Variants in OGFR observed in about 807,000 individuals in gnomAD.
OGFR encodes the protein protein 7-60.
In OGFR, 18 loss-of-function variants were observed where a neutral mutation model predicts 33.6. The ratio of observed to expected loss-of-function variants is 0.54; its 90% CI spans 0.37 to 0.80. The LOEUF is 0.80. Among genes scored for constraint, OGFR ranks in the 30% least tolerant of loss-of-function variants. OGFR has a pLI of 0.00. For missense variants in OGFR, 877 were observed against 955.8 expected (o/e 0.92, Z 1.09); for synonymous variants, 370 against 400.7 (o/e 0.92, Z 0.91).
Position 62,811,624 on chromosome 20 carries a change from G to GCGGGGGGCCCCCCC in OGFR, c.614+15_614+16insGGGGGGCCCCCCCC. ...GAACCTGAACTGGTGAGGCCCGGCT[G>GCGGGGGGCCCCCCC]CTCCCGCCCACCCCCACCCCGGCGC... On this transcript the variant is annotated intron_variant, in intron 6 of 6. Transcript: ENST00000290291. The GCGGGGGGCCCCCCC allele has an allele frequency of 1.3e-6, 2 of 1,551,488 alleles. No homozygotes were observed. The highest frequency in any genetic ancestry group is 1.7e-6 in the Non-Finnish European group (2 of 1,147,396).
rs772801234 is a variant in OGFR, at chr20:62,812,723, G to A, written c.1108G>A (p.Gly370Arg). The A allele has an allele frequency of 8.1e-5, 130 of 1,596,454 alleles. No homozygotes were observed. Among genetic ancestry groups the A allele is most frequent in the Middle Eastern group, 3.3e-4 (2 of 6,064 alleles). The change falls in exon 7 of 7, where the codon GGG (glycine) becomes AGG (arginine). Residue 370 changes from glycine to arginine, a missense_variant. Transcript: ENST00000290291. ...CCAGGGGGATGAGGCAGGGGGCCACGGGGAAGATAGGCCGGAGCCCTTAAG... is the reference window on the plus strand; with the variant it reads ...CCAGGGGGATGAGGCAGGGGGCCACAGGGAAGATAGGCCGGAGCCCTTAAG... The part of the protein sequence containing the change: ...RSQGDEAGGH[G>R]EDRPEPLSPK...
rs1414783089 is a variant in OGFR at position 62,812,319 on chromosome 20, T to G, written c.704T>G (p.Phe235Cys). Residue 235 changes from phenylalanine to cysteine, a missense_variant, in exon 7 of 7, where the codon TTC (phenylalanine) becomes TGC (cysteine). Transcript: ENST00000290291. ...LEHFQAPLVR[F>C]FLEETLVRRE... is the part of the protein sequence containing the mutation. Reference sequence around the variant, plus strand: ...CACTTCCAGGCGCCGCTGGTCCGCTTCTTCCTGGAGGAGACGCTGGTGCGG... The same window carrying G: ...CACTTCCAGGCGCCGCTGGTCCGCTGCTTCCTGGAGGAGACGCTGGTGCGG... The G allele has an allele frequency of 6.4e-7, 1 of 1,561,438 alleles. No homozygotes were observed. Among genetic ancestry groups the G allele is most frequent in the Non-Finnish European group, 8.7e-7 (1 of 1,153,328 alleles).
At chr20:62,806,275 G>C (rs1178134305) in intron 1 of OGFR, 1 of 152,268 alleles carries the variant, frequency 6.6e-6, no homozygotes, top group Non-Finnish European at 1.5e-5. Flanking sequence ...GGTGGCGGTG[G>C]CTCAGGCCTG....
At chr20:62,810,921 G>A (rs1178051973) in intron 5 of OGFR, among the ~76,000 whole-genome samples, 1 of 152,256 alleles carries the variant, frequency 6.6e-6, no homozygotes. Context: ...CAGGGACTTA[G>A]AGAGCCGAGG....
At chr20:62,808,429 C>T (rs1990646464) in intron 3 of OGFR, 104 bp downstream of exon 3, 4 of 835,922 alleles carry the variant, frequency 4.8e-6, no homozygotes, top group South Asian at 3.0e-5. Flanking sequence ...ACCAGGGCCA[C>T]GGCTTTCAAA....
At position 62,813,342 on chromosome 20, in the gene OGFR, A is replaced by C. The variant is rs778114767; in HGVS notation, c.1727A>C (p.Glu576Ala). Residue 576 changes from glutamate to alanine, a missense_variant, in exon 7 of 7, where the codon GAG becomes GCG. Glu to Ala is a moderately radical substitution (Grantham distance 107, BLOSUM62 -1). Transcript: ENST00000290291. ...PAGPAGDEPA[E>A]SPSETPGPSP... ...GGACCTGCAGGGGACGAGCCAGCCG[A>C]GAGCCCATCGGAGACCCCAGGCCCC... 1.8e-5 allele frequency: 27 copies of C among 1,493,594 alleles called. 1 individual carries two copies. The East Asian group carries it at 5.7e-4, about 31-fold the overall frequency. 92.5% of individuals were successfully genotyped at this position (1,493,594 alleles called of 1,614,324 possible).
Position 62,811,630 on chromosome 20 carries a change from G to GCCCCCCC in OGFR, c.614+23_614+24insCCCCCCC. 1 of 1,259,578 alleles carries GCCCCCCC rather than the reference G, an allele frequency of 7.9e-7. No homozygotes were observed. The highest frequency in any genetic ancestry group is 1.1e-6 in the Non-Finnish European group (1 of 934,220). 78.0% of individuals were successfully genotyped at this position (1,259,578 alleles called of 1,614,324 possible). A position where few individuals can be genotyped will look rare whatever the true frequency, so the allele number is the denominator to read the frequency against. On this transcript the variant is annotated intron_variant, in intron 6 of 6. Transcript: ENST00000290291. Reference sequence around the variant, plus strand: ...GAACTGGTGAGGCCCGGCTGCTCCCGCCCACCCCCACCCCGGCGCAGAACA... The same window carrying GCCCCCCC: ...GAACTGGTGAGGCCCGGCTGCTCCCGCCCCCCCCCCACCCCCACCCCGGCGCAGAACA...
At chr20:62,805,138 A>T in intron 1 of OGFR, 108 bp downstream of exon 1, 1 of 844,108 alleles carries the variant, frequency 1.2e-6, no homozygotes, top group Non-Finnish European at 1.6e-6. Context: ...AGCCTCCTGG[A>T]GCTCCCGCAG....
Position 62,812,370 on chromosome 20 carries a change from G to A in OGFR, c.755G>A (p.Ser252Asn). ...CGGGAGCTGCCGGGGGTGCGGCAGA[G>A]TGCCCTGGACTACTTCATGTTCGCC... ...VRRELPGVRQ[S>N]ALDYFMFAVR... is the part of the protein sequence containing the mutation. The change falls in exon 7 of 7, where the codon AGT becomes AAT. Residue 252 changes from serine to asparagine, a missense_variant. Physicochemically the swap from Ser to Asn is conservative, Grantham distance 46. Transcript: ENST00000290291. 6.4e-7 allele frequency: 1 copy of A among 1,567,650 alleles called. No homozygotes were observed. The highest frequency in any genetic ancestry group is 8.6e-7 in the Non-Finnish European group (1 of 1,157,370).
intron 1 of OGFR, chr20:62,806,831 G>C (rs1249555907): frequency 1.3e-5 from 2 of 152,742 alleles, no homozygotes; most frequent in Admixed American, 6.5e-5. Flanking sequence ...AGGTACTTCC[G>C]GCCCTTTGCT....
intron 5 of OGFR, 136 bp downstream of exon 5, chr20:62,810,701 G>A (rs534936860): frequency 2.4e-5 from 17 of 699,846 alleles, no homozygotes; most frequent in South Asian, 1.3e-4. Context: ...CAGAAGGGCC[G>A]AAAGAGCCTC....
rs1409135873 is a variant in OGFR, at chr20:62,812,549, GAGGA to G, written c.941_944del (p.Gly314AlafsTer63). 1 of 1,584,814 alleles carries G rather than the reference GAGGA, an allele frequency of 6.3e-7. No individual in the cohort carries two copies. Among genetic ancestry groups the G allele is most frequent in the Non-Finnish European group, 8.6e-7 (1 of 1,166,116 alleles). Reference sequence around the variant, plus strand: ...GCTCGAGGGCTCCAGGAAGGTGGAGGAGGAAGGAAGCCCCGGGGACCCCGACCAC... The same window carrying G: ...GCTCGAGGGCTCCAGGAAGGTGGAGGAGGAAGCCCCGGGGACCCCGACCAC... On this transcript the variant is annotated frameshift_variant, in exon 7 of 7. Coordinates refer to ENST00000290291, the MANE Select transcript of OGFR (RefSeq NM_007346.4). LOFTEE classifies it low-confidence loss of function (END_TRUNC).
In OGFR at chr20:62,813,058, T is replaced by A. The variant is rs1162308557; in HGVS notation, c.1443T>A (p.Leu481=). The change falls in exon 7 of 7, where the codon CTT becomes CTA. Residue 481 remains leucine, a synonymous_variant. Coordinates refer to ENST00000290291, the MANE Select transcript of OGFR (RefSeq NM_007346.4). ...VASGGAQTLA[L]AGSPAPSGHP... Reference sequence around the variant, plus strand: ...GTGGTGGTGCCCAGACCTTGGCCCTTGCCGGGTCCCCTGCCCCATCGGGGC... The same window carrying A: ...GTGGTGGTGCCCAGACCTTGGCCCTAGCCGGGTCCCCTGCCCCATCGGGGC... The A allele has an allele frequency of 6.3e-7, 1 of 1,584,174 alleles. No individual in the cohort carries two copies. Among genetic ancestry groups the A allele is most frequent in the Non-Finnish European group, 8.6e-7 (1 of 1,165,202 alleles).
chr20:62,805,599 C>T (rs901801111), intron 1 of OGFR: 1 of 152,282 alleles, frequency 6.6e-6, no homozygotes, highest in South Asian at 2.1e-4. Context: ...GCCCCCCTGT[C>T]GGGGAGCTGG....
chr20:62,811,524 C>T lies in OGFR; in HGVS notation c.528C>T (p.Gly176=). The T allele has an allele frequency of 6.2e-7, 1 of 1,608,612 alleles. No individual in the cohort carries two copies. The highest frequency in any genetic ancestry group is 8.5e-7 in the Non-Finnish European group (1 of 1,178,310). ...TCCGGGCCTACGAGCTCATGCTGGG[C>T]TTCTACGGGATCCGGCTGGAGGACC... ...RLVRAYELML[G]FYGIRLEDRG... is the part of the protein sequence containing the mutation. Residue 176 remains glycine, a synonymous_variant, in exon 6 of 7, where the codon GGC becomes GGT. Coordinates refer to ENST00000290291, the MANE Select transcript of OGFR (RefSeq NM_007346.4).
Position 62,811,626 on chromosome 20 carries a change from T to TGGGGGCCCCCCCCCC in OGFR, c.614+16_614+17insGGGGGCCCCCCCCCC. ...ACCTGAACTGGTGAGGCCCGGCTGC[T>TGGGGGCCCCCCCCCC]CCCGCCCACCCCCACCCCGGCGCAG... On this transcript the variant is annotated intron_variant, in intron 6 of 6. Transcript: ENST00000290291. 1 of 1,502,520 alleles carries TGGGGGCCCCCCCCCC rather than the reference T, an allele frequency of 6.7e-7. No individual in the cohort carries two copies. The highest frequency in any genetic ancestry group is 9.0e-7 in the Non-Finnish European group (1 of 1,110,126). The allele number at this position is 1,502,520 out of a possible 1,614,324, so 93.1% of individuals were successfully genotyped here. A position where few individuals can be genotyped will look rare whatever the true frequency, so the allele number is the denominator to read the frequency against.
At position 62,807,579 on chromosome 20, in the gene OGFR, A is replaced by G. The variant is rs111518818; in HGVS notation, c.214A>G (p.Met72Val). Reference protein sequence around the residue: ...GSRNWRATRDMCRYRHNYPDL... With the variant: ...GSRNWRATRDVCRYRHNYPDL... ...CAGAAACTGGCGAGCCACGAGGGAC[A>G]TGTGTAGGTATCGGCACAACTATCC... Residue 72 changes from methionine to valine, a missense_variant, in exon 2 of 7, where the codon ATG becomes GTG. Met to Val is a conservative substitution (Grantham distance 21). Around this residue, in one of 3 missense-constraint regions of OGFR, gnomAD observed 760 missense variants for 736.0 expected, o/e 1.03. Coordinates refer to ENST00000290291, the MANE Select transcript of OGFR (RefSeq NM_007346.4). 6 of 1,613,016 alleles carry G rather than the reference A, an allele frequency of 3.7e-6. No individual in the cohort carries two copies. The South Asian group carries it at 4.4e-5, about 12-fold the overall frequency.
chr20:62,809,422 C>T (rs1216840532), intron 3 of OGFR, among the ~76,000 whole-genome samples, 163 bp from the exon 4 acceptor site: 1 of 152,196 alleles, frequency 6.6e-6, no homozygotes. Context: ...ATGGGCAGCC[C>T]CACTGAGCCT....
chr20:62,809,092 C>A (rs1990665906), intron 3 of OGFR, among the ~76,000 whole-genome samples: 1 of 151,880 alleles, frequency 6.6e-6, no homozygotes, highest in African/African-American at 2.4e-5. Context: ...CCTGTTTATG[C>A]ACGTGCCGGG....
Sources: gnomAD v4.1 joint callset for allele counts (sites outside exome capture counted in the v4.1 genomes callset) on GRCh38, gnomAD v4.1.1 for gene constraint, gnomAD v4.1.1 regional missense constraint, MANE v1.5 for transcripts, NCBI Gene and HGNC (gene_info 2026-07-23, HGNC 2026-07-21) for gene names.